HEATR4: variants seen among roughly 807,000 people sequenced by gnomAD.
HEATR4 encodes HEAT repeat-containing protein 4.
In HEATR4, 95 loss-of-function variants were observed where a neutral mutation model predicts 108.8. That is an observed-to-expected ratio of 0.87 (90% CI 0.74 to 1.04). HEATR4 has a LOEUF of 1.04. Ranked by LOEUF, HEATR4 falls within the 50% of genes least tolerant of loss-of-function variation. The pLI is 0.00. For synonymous variants in HEATR4, 443 were observed against 459.4 expected (o/e 0.96, Z 0.46); for missense variants, 1,152 against 1,253.8 (o/e 0.92, Z 1.23).
At chr14:73,575,175 C>T in the HEATR4 span, 37 of 1,144,224 alleles carry the variant, frequency 3.2e-5, no homozygotes, top group East Asian at 6.5e-4. Flanking sequence ...GAGCTTCATT[C>T]CTGTGGAAAG....
chr14:73,506,814 T>TTTTTGTTTTTTTTTTG (rs1566830039), intron 9 of HEATR4, among the ~76,000 whole-genome samples: 1 of 132,390 alleles, frequency 7.6e-6, no homozygotes, highest in Non-Finnish European at 1.5e-5. Context: ...GTTTTTTTTT[T>TTTTTGTTTTTTTTTTG]TTTTTTTTTT....
Position 73,492,654 on chromosome 14 carries a change from CAG to C in HEATR4, c.2844+410_2844+411del, listed in dbSNP as rs1885853156. On this transcript the variant is annotated intron_variant, in intron 17 of 17. Transcript: ENST00000553558. The surrounding 1 kb of genome is among the most constrained non-coding windows in gnomAD (Gnocchi z 4.9). ...GTGGGGGCCCAGTTGACAACAGAAA[CAG>C]AAGTCCATATGCTTCAGGATGGGAT... 1.9e-6 allele frequency: 3 copies of C among 1,613,976 alleles called. No homozygotes were observed. Among genetic ancestry groups the C allele is most frequent in the Non-Finnish European group, 2.5e-6 (3 of 1,179,882 alleles).
intron 7 of HEATR4, among the ~76,000 whole-genome samples, chr14:73,510,979 C>T (rs1040172924): frequency 6.6e-6 from 1 of 152,104 alleles, no homozygotes; most frequent in East Asian, 1.9e-4. Context: ...TCTTCTCAGT[C>T]CCAATGTAAT....
the HEATR4 span, among the ~76,000 whole-genome samples, chr14:73,618,519 C>G: frequency 4.7e-5 from 7 of 149,250 alleles, no homozygotes; most frequent in Admixed American, 1.3e-4. Context: ...GGGCTGACCT[C>G]TCCCCTATGT....
chr14:73,612,588 TC>T, the HEATR4 span: 1 of 1,409,224 alleles, frequency 7.1e-7, no homozygotes, highest in Non-Finnish European at 9.3e-7. Context: ...GCGACGCTGA[TC>T]CTGGAGCCCG....
the HEATR4 span, among the ~76,000 whole-genome samples, chr14:73,629,684 G>A: frequency 1.5e-4 from 23 of 149,238 alleles, no homozygotes; most frequent in Non-Finnish European, 1.9e-4. Flanking sequence ...TCACTCTGTT[G>A]CCCAGGCTGG....
intron 17 of HEATR4, among the ~76,000 whole-genome samples, chr14:73,480,294 T>A (rs1885198316): frequency 6.6e-6 from 1 of 151,806 alleles, no homozygotes. Context: ...ATACAAAAAT[T>A]AGCCAGGCAT....
chr14:73,621,215 A>G, the HEATR4 span, among the ~76,000 whole-genome samples: 78,154 of 151,798 alleles, frequency 0.51, 20,866 homozygotes, highest in East Asian at 0.85. Context: ...CTCTGTCTCA[A>G]AAAACACTTG....
In HEATR4 at chr14:73,556,365, C is replaced by T. The variant is rs1165111984; in HGVS notation, c.-152+2386G>A. ...GCTTGAACCCAGGAGGCGGAGGTTG[C>T]AGTGAGCCAAGATCACACCAGTGCA... is the stretch of plus-strand genomic sequence containing the variant. On this transcript the variant is annotated intron_variant, in intron 1 of 17. Transcript: ENST00000553558. Among the ~76,000 whole-genome samples the T allele has an allele frequency of 2.1e-4, 23 of 109,892 alleles. 9 individuals carry two copies. The East Asian group carries it at 0.014, about 65-fold the overall frequency. 72.1% of individuals were successfully genotyped at this position (109,892 alleles called of 152,430 possible). A position where few individuals can be genotyped will look rare whatever the true frequency, so the allele number is the denominator to read the frequency against.
chr14:73,536,144 TAAA>T lies in HEATR4; in HGVS notation c.-151-5903_-151-5901del, dbSNP rs755133352. ...GGACATGAGAGCATTTGGAAAGAGA[TAAA>T]AAGGCTTACCTTGAGGACAGCCTTA... On this transcript the variant is annotated intron_variant, in intron 1 of 17. Coordinates refer to ENST00000553558, the MANE Select transcript of HEATR4 (RefSeq NM_001220484.1). Among the ~76,000 whole-genome samples, 61 of 114,870 alleles carry T rather than the reference TAAA, an allele frequency of 5.3e-4. 20 individuals are homozygous for T. The highest frequency in any genetic ancestry group is 9.4e-3 in the Middle Eastern group (2 of 212). 75.4% of individuals were successfully genotyped at this position (114,870 alleles called of 152,430 possible). A position where few individuals can be genotyped will look rare whatever the true frequency, so the allele number is the denominator to read the frequency against.
chr14:73,585,780 T>TG, the HEATR4 span, among the ~76,000 whole-genome samples: 2 of 122,026 alleles, frequency 1.6e-5, no homozygotes, highest in African/African-American at 5.3e-5. Context: ...GGGAAGGGAA[T>TG]GAAAAAAAAA....
the HEATR4 span, among the ~76,000 whole-genome samples, chr14:73,570,410 A>C: frequency 1.6e-4 from 25 of 152,052 alleles, no homozygotes; most frequent in Admixed American, 1.6e-3. Context: ...TCTACTAAAA[A>C]TACAAAACAG....
Position 73,492,518 on chromosome 14 carries a change from C to G in HEATR4, c.2844+548G>C. The G allele has an allele frequency of 6.2e-7, 1 of 1,613,424 alleles. No homozygotes were observed. The highest frequency in any genetic ancestry group is 8.5e-7 in the Non-Finnish European group (1 of 1,179,668). ...TCCTGTTGATGCTGTGGCCGACCAG[C>G]GAGCCAAAGACTTCATTCACGATTC... On this transcript the variant is annotated intron_variant, in intron 17 of 17. Transcript: ENST00000553558. The surrounding 1 kb of genome is among the most constrained non-coding windows in gnomAD (Gnocchi z 4.9).
the HEATR4 span, among the ~76,000 whole-genome samples, chr14:73,616,183 G>C: frequency 6.6e-6 from 1 of 152,026 alleles, no homozygotes; most frequent in East Asian, 1.9e-4. Context: ...GCCCAGGCTG[G>C]TCGTGAATTC....
chr14:73,507,726 A>G (rs1166666210), intron 9 of HEATR4, among the ~76,000 whole-genome samples: 2 of 151,486 alleles, frequency 1.3e-5, no homozygotes, highest in Admixed American at 6.6e-5. Flanking sequence ...GTGAGCGACC[A>G]TGCCCAGCCC....
At chr14:73,625,418 G>A in the HEATR4 span, among the ~76,000 whole-genome samples, 1 of 151,992 alleles carries the variant, frequency 6.6e-6, no homozygotes, top group African/African-American at 2.4e-5. Flanking sequence ...CTGGAGTGCA[G>A]TGGCACGATC....
In HEATR4 at chr14:73,545,277, C is replaced by T. The variant is rs141750819; in HGVS notation, c.-152+13474G>A. 3.9e-3 allele frequency among the ~76,000 whole-genome samples: 436 copies of T among 112,788 alleles called. 87 individuals are homozygous for T. Among genetic ancestry groups the T allele is most frequent in the African/African-American group, 0.012 (419 of 34,812 alleles). The allele number at this position is 112,788 out of a possible 152,430, so 74.0% of individuals were successfully genotyped here. ...GTCTCCCAATGTTGCCCAGGCTAGT[C>T]CTGAATTACTGAGCTCAAACAATCC... is the stretch of plus-strand genomic sequence containing the variant. On this transcript the variant is annotated intron_variant, in intron 1 of 17. Transcript: ENST00000553558.
At chr14:73,530,821 T>G (rs1888670478) in intron 1 of HEATR4, among the ~76,000 whole-genome samples, 3 of 74,050 alleles carry the variant, frequency 4.1e-5, no homozygotes, top group African/African-American at 1.4e-4. Context: ...TTTTTTTTTG[T>G]AGAGATAGAG....
At chr14:73,576,898 G>GA in the HEATR4 span, among the ~76,000 whole-genome samples, 27 of 139,784 alleles carry the variant, frequency 1.9e-4, no homozygotes, top group South Asian at 2.3e-4. Context: ...GTATTTAAAG[G>GA]AAAAAAAACC....
Sources: gnomAD v4.1 joint callset for allele counts (sites outside exome capture counted in the v4.1 genomes callset) on GRCh38, gnomAD v4.1.1 for gene constraint, Gnocchi (gnomAD v3.1) non-coding constraint, MANE v1.5 for transcripts, NCBI Gene and HGNC (gene_info 2026-07-23, HGNC 2026-07-21) for gene names.